TFEB: variants seen among roughly 807,000 people sequenced by gnomAD.
TFEB encodes transcription factor EB, also known as T-cell transcription factor EB.
Under a neutral mutation model 48.0 loss-of-function variants are expected in TFEB, and 12 were observed. That is an observed-to-expected ratio of 0.25 (90% CI 0.16 to 0.40). The LOEUF (loss-of-function observed/expected upper bound fraction) is 0.40, where lower values mean the gene tolerates loss of function less well. Among genes scored for constraint, TFEB ranks in the 10% least tolerant of loss-of-function variants. TFEB has a pLI of 1.00. For missense variants in TFEB, 509 were observed against 640.3 expected, an observed-to-expected ratio of 0.79 and a Z score of 2.21; for synonymous variants, 244 against 261.4, an observed-to-expected ratio of 0.93 and a Z score of 0.64.
chr6:41,712,104 A>T, intron 1 of TFEB, among the ~76,000 whole-genome samples: 1 of 152,154 alleles, frequency 6.6e-6, no homozygotes, highest in Admixed American at 6.5e-5. Context: ...TGTACAGTGC[A>T]GGTAGAGCAG....
intron 1 of TFEB, among the ~76,000 whole-genome samples, chr6:41,705,027 T>C (rs548734578): frequency 6.0e-4 from 91 of 152,268 alleles, no homozygotes; most frequent in Admixed American, 1.8e-3. Flanking sequence ...GACACACCCA[T>C]TCATGCAAAC....
At chr6:41,700,194 C>T (rs534566147) in intron 1 of TFEB, among the ~76,000 whole-genome samples, 28 of 151,628 alleles carry the variant, frequency 1.8e-4, no homozygotes, top group African/African-American at 5.4e-4. Context: ...AGGCTGGGCG[C>T]GGTGGCTCAC....
chr6:41,687,038 C>T (rs1351877069), intron 7 of TFEB, 56 bp downstream of exon 7: 16 of 1,480,552 alleles, frequency 1.1e-5, no homozygotes, highest in Non-Finnish European at 1.5e-5. Context: ...GCAGATAATA[C>T]TTGTCAGCTG....
chr6:41,690,548 G>A (rs1474618740), intron 3 of TFEB, 115 bp downstream of exon 3: 49 of 1,281,092 alleles, frequency 3.8e-5, no homozygotes, highest in Non-Finnish European at 4.9e-5. Context: ...CCCCACCTCA[G>A]ACTGAGTCTC....
In TFEB at chr6:41,709,768, T is replaced by C. The variant is rs574488726; in HGVS notation, c.-22-18533A>G. 9.8e-4 allele frequency among the ~76,000 whole-genome samples: 149 copies of C among 152,268 alleles called. 2 individuals carry two copies. The highest frequency in any genetic ancestry group is 5.8e-3 in the South Asian group (28 of 4,824). ...TGCATCGTTCCCATCTGGTTCAATA[T>C]CCCTTTCCATTAAATTTATTTTTTA... On this transcript the variant is annotated intron_variant, in intron 1 of 8. Coordinates refer to ENST00000373033, the MANE Select transcript of TFEB (RefSeq NM_001271944.2).
chr6:41,698,962 G>T (rs1769754556), intron 1 of TFEB, among the ~76,000 whole-genome samples: 1 of 152,216 alleles, frequency 6.6e-6, no homozygotes, highest in Non-Finnish European at 1.5e-5. Flanking sequence ...TGTAGGGCCT[G>T]GGGAGGGGGC....
chr6:41,685,247 T>G (rs1226350811), intron 8 of TFEB, among the ~76,000 whole-genome samples, 169 bp from the exon 9 acceptor site: 4 of 152,164 alleles, frequency 2.6e-5, no homozygotes, highest in African/African-American at 4.8e-5. Context: ...AGACCAGTGT[T>G]TTTTCAGACT....
At chr6:41,697,854 G>T (rs114815565) in intron 1 of TFEB, among the ~76,000 whole-genome samples, 1 of 152,122 alleles carries the variant, frequency 6.6e-6, no homozygotes, top group Non-Finnish European at 1.5e-5. Flanking sequence ...GATGTAGGGG[G>T]AAATTGTATA....
At chr6:41,706,514 C>T (rs906352562) in intron 1 of TFEB, among the ~76,000 whole-genome samples, 1 of 151,810 alleles carries the variant, frequency 6.6e-6, no homozygotes, top group Non-Finnish European at 1.5e-5. Flanking sequence ...TACACCCCCC[C>T]ACCCCCATCC....
In TFEB at chr6:41,691,190, G is replaced by A. The variant is rs761503921; in HGVS notation, c.24C>T (p.Arg8=). 60 of 1,589,082 alleles carry A rather than the reference G, an allele frequency of 3.8e-5. No homozygotes were observed. Among genetic ancestry groups the A allele is most frequent in the Middle Eastern group, 1.7e-4 (1 of 6,028 alleles). The change falls in exon 2 of 9, where the codon CGC becomes CGT. Residue 8 remains arginine, a synonymous_variant. Coordinates refer to ENST00000373033, the MANE Select transcript of TFEB (RefSeq NM_001271944.2). This position sits in a 1 kb window ranked among gnomAD's most constrained non-coding sequence, Gnocchi z 5.2. ...GCGCCTGCTCCCGCATGAGCTGCAT[G>A]CGCAACCCTATGCGTGACGCCATGG... MASRIGL[R]MQLMREQAQQ...
intron 1 of TFEB, among the ~76,000 whole-genome samples, chr6:41,722,270 G>A (rs1177062434): frequency 7.2e-5 from 11 of 152,278 alleles, no homozygotes; most frequent in Non-Finnish European, 1.3e-4. Context: ...GTGAGCCACC[G>A]CACCTGGCTC....
rs1771101633 is a variant in TFEB, at chr6:41,723,983, C to T, written c.-23+11367G>A. The T allele has an allele frequency of 2.0e-6, 1 of 500,150 alleles. No homozygotes were observed. The highest frequency in any genetic ancestry group is 2.0e-5 in the African/African-American group (1 of 51,268). The allele number at this position is 500,150 out of a possible 1,614,324, so 31.0% of individuals were successfully genotyped here. A position where few individuals can be genotyped will look rare whatever the true frequency, so the allele number is the denominator to read the frequency against. On this transcript the variant is annotated intron_variant, in intron 1 of 8. Coordinates refer to ENST00000373033, the MANE Select transcript of TFEB (RefSeq NM_001271944.2). The surrounding 1 kb of genome is among the most constrained non-coding windows in gnomAD (Gnocchi z 6.0). ...AGAAGCCCCACAGCTCACCATCTTC[C>T]TGACTGGCCATACACCTGCAGTCTT...
In TFEB at chr6:41,684,551, C is replaced by G; in HGVS notation, c.*48G>C. On this transcript the variant is annotated 3_prime_UTR_variant, in exon 9 of 9. Transcript: ENST00000373033. ...GTGGGAGGGAGGTGCCCCTGGCCCT[C>G]CCAGCCCCCAGGCCGGCCCCTGTTC... 6.6e-7 allele frequency: 1 copy of G among 1,504,762 alleles called. No individual in the cohort carries two copies. Among genetic ancestry groups the G allele is most frequent in the Middle Eastern group, 2.5e-4 (1 of 4,006 alleles). The allele number at this position is 1,504,762 out of a possible 1,614,324, so 93.2% of individuals were successfully genotyped here.
At position 41,689,776 on chromosome 6, in the gene TFEB, G is replaced by T. The variant is rs146588109; in HGVS notation, c.504C>A (p.Asp168Glu). ...DDVIDNIMRL[D>E]DVLGYINPEM... ...CAGGATTGATGTAGCCAAGGACATC[G>T]TCCAGACGCATAATGTTGTCAATGA... The change falls in exon 4 of 9, where the codon GAC becomes GAA. Residue 168 changes from aspartate (D) to glutamate (E), a missense_variant. Around this residue, in one of 4 missense-constraint regions of TFEB, gnomAD observed 251 missense variants for 317.2 expected, o/e 0.79. Coordinates refer to ENST00000373033, the MANE Select transcript of TFEB (RefSeq NM_001271944.2). 3 of 1,614,036 alleles carry T rather than the reference G, an allele frequency of 1.9e-6. No individual in the cohort carries two copies.
rs1263111595 is a variant in TFEB at position 41,700,409 on chromosome 6, T to C, written c.-22-9174A>G. On this transcript the variant is annotated intron_variant, in intron 1 of 8. Coordinates refer to ENST00000373033, the MANE Select transcript of TFEB (RefSeq NM_001271944.2). ...TGAACCCGGGAGGCGGAGCTTGCAG[T>C]GAGCCGAGATCTCGCCACTGCACTC... Among the ~76,000 whole-genome samples, 4 of 141,752 alleles carry C rather than the reference T, an allele frequency of 2.8e-5. No individual in the cohort carries two copies. The Admixed American group carries it at 3.1e-4, about 11-fold the overall frequency. The allele number at this position is 141,752 out of a possible 152,430, so 93.0% of individuals were successfully genotyped here.
upstream of TFEB, chr6:41,736,112 C>T: frequency 6.2e-7 from 1 of 1,612,752 alleles, no homozygotes; most frequent in Non-Finnish European, 8.5e-7. Flanking sequence ...GCAGCCTGCC[C>T]CCATTATGGG....
chr6:41,696,567 A>T (rs902482506), intron 1 of TFEB, among the ~76,000 whole-genome samples: 3 of 151,964 alleles, frequency 2.0e-5, no homozygotes, highest in African/African-American at 4.8e-5. Context: ...GGTGGTGTGC[A>T]CCTGTAGTCC....
rs1362700446 is a variant in TFEB, at chr6:41,734,386, C to A, written c.-23+964G>T. 3 of 984,968 alleles carry A rather than the reference C, an allele frequency of 3.0e-6. No homozygotes were observed. The highest frequency in any genetic ancestry group is 2.3e-4 in the East Asian group (2 of 8,720). 61.0% of individuals were successfully genotyped at this position (984,968 alleles called of 1,614,324 possible). A position where few individuals can be genotyped will look rare whatever the true frequency, so the allele number is the denominator to read the frequency against. On this transcript the variant is annotated intron_variant, in intron 1 of 8. Coordinates refer to ENST00000373033, the MANE Select transcript of TFEB (RefSeq NM_001271944.2). This position sits in a 1 kb window ranked among gnomAD's most constrained non-coding sequence, Gnocchi z 4.0. The stretch of plus-strand genomic sequence containing the variant: ...TCGCGCAGCCCGGAGCAGCTCGGGG[C>A]AGCCGTGCGTGAAGCCGGAACCCCG...
chr6:41,687,249 G>A (rs768104898), intron 6 of TFEB, 80 bp from the exon 7 acceptor site: 22 of 1,420,078 alleles, frequency 1.5e-5, no homozygotes, highest in Middle Eastern at 2.1e-4. Context: ...CCAGCCCAGG[G>A]AGGGGTGCTT....
Sources: allele counts gnomAD v4.1 joint callset (sites outside exome capture counted in the v4.1 genomes callset), GRCh38; gene constraint gnomAD v4.1.1; regional missense constraint gnomAD v4.1.1; non-coding constraint Gnocchi (gnomAD v3.1); transcripts MANE v1.5; gene names NCBI Gene and HGNC (gene_info 2026-07-23, HGNC 2026-07-21).